MPP4: variants seen among roughly 807,000 people sequenced by gnomAD.
MPP4 encodes MAGUK p55 subfamily member 4.
A neutral mutation model predicts 98.3 loss-of-function variants in MPP4; 91 were observed. That is an observed-to-expected ratio of 0.93 (90% CI 0.78 to 1.10). The LOEUF is 1.10. Among genes scored for constraint, MPP4 ranks in the 50% least tolerant of loss-of-function variants. The pLI, the probability that MPP4 is intolerant of heterozygous loss-of-function variation, is 0.00. For synonymous variants in MPP4, 261 were observed against 271.8 expected (o/e 0.96, Z 0.39); for missense variants, 744 against 792.9 (o/e 0.94, Z 0.74).
At chr2:201,686,244 G>A (rs1688828408) in intron 5 of MPP4, among the ~76,000 whole-genome samples, 194 bp from the exon 6 acceptor site, 1 of 152,168 alleles carries the variant, frequency 6.6e-6, no homozygotes, top group African/African-American at 2.4e-5. Flanking sequence ...TACATTAATT[G>A]TCCTCAATTT....
intron 13 of MPP4, chr2:201,664,455 TG>T (rs747715961): frequency 9.0e-6 from 9 of 997,336 alleles, no homozygotes; most frequent in Non-Finnish European, 1.2e-5. Flanking sequence ...TGCTCGGCTT[TG>T]CTGCAGAGGG....
At chr2:201,684,947 CAAAAAAAAAAAAAGA>C in intron 7 of MPP4, 102 bp downstream of exon 7, 1 of 512,746 alleles carries the variant, frequency 2.0e-6, no homozygotes, top group Non-Finnish European at 2.8e-6. Flanking sequence ...GACTCCATCT[CAAAAAAAAAAAAAGA>C]AAAAAAAAAA....
intron 2 of MPP4, among the ~76,000 whole-genome samples, chr2:201,693,600 T>G (rs1404190476): frequency 1.3e-5 from 2 of 152,236 alleles, no homozygotes; most frequent in African/African-American, 4.8e-5. Context: ...GTAGTGATAT[T>G]CTGAATGTGA....
At chr2:201,666,542 G>A (rs1013581107) in intron 12 of MPP4, 170 bp from the exon 13 acceptor site, 2 of 502,088 alleles carry the variant, frequency 4.0e-6, no homozygotes, top group East Asian at 3.5e-5. Flanking sequence ...CCGACATGGT[G>A]AAACCATGTC....
At chr2:201,670,410 G>A (rs1175017234) in intron 11 of MPP4, among the ~76,000 whole-genome samples, 6 of 152,008 alleles carry the variant, frequency 3.9e-5, no homozygotes, top group South Asian at 2.1e-4. Flanking sequence ...CATGTCTACC[G>A]GAAACATTCC....
Position 201,664,068 on chromosome 2 carries a change from A to G in MPP4, c.1072+13T>C. 1 of 1,508,828 alleles carries G rather than the reference A, an allele frequency of 6.6e-7. No homozygotes were observed. Among genetic ancestry groups the G allele is most frequent in the Non-Finnish European group, 9.0e-7 (1 of 1,113,198 alleles). 93.5% of individuals were successfully genotyped at this position (1,508,828 alleles called of 1,614,324 possible). On this transcript the variant is annotated intron_variant, in intron 14 of 21. Transcript: ENST00000409474. ...ATTTAAAAATCAGTACCAAATACTC[A>G]TTTTTTACTTACCAGATTCAAATGT...
intron 16 of MPP4, among the ~76,000 whole-genome samples, chr2:201,657,586 C>CTTTTTTTTT: frequency 1.4e-5 from 1 of 73,772 alleles, no homozygotes; most frequent in Admixed American, 1.5e-4. Context: ...GAACCCTGGC[C>CTTTTTTTTT]CTTGTTTTTT....
chr2:201,698,162 CT>C, intron 1 of MPP4: 1 of 830,532 alleles, frequency 1.2e-6, no homozygotes, highest in Non-Finnish European at 1.5e-6. Flanking sequence ...TTTCCATTAG[CT>C]TTTTAAAACG....
At chr2:201,677,121 A>G (rs965480094) in intron 10 of MPP4, among the ~76,000 whole-genome samples, 2 of 152,036 alleles carry the variant, frequency 1.3e-5, no homozygotes, top group African/African-American at 2.4e-5. Context: ...CTCCATGGTT[A>G]ATTACCTGGT....
At chr2:201,698,320 T>C (rs548338356) in intron 1 of MPP4, among the ~76,000 whole-genome samples, 37 of 152,340 alleles carry the variant, frequency 2.4e-4, no homozygotes, top group African/African-American at 8.9e-4. Flanking sequence ...TGGGTCCAAA[T>C]GCTGTTGATT....
At position 201,686,049 on chromosome 2, in the gene MPP4, G is replaced by T. The variant is rs767135606; in HGVS notation, c.362C>A (p.Ala121Asp). ...TATCGTGTCATGGGCACTGAGCAAGGCCTGGGCACAGGGAAGGAAAAGGTG... is the reference window on the plus strand; with the variant it reads ...TATCGTGTCATGGGCACTGAGCAAGTCCTGGGCACAGGGAAGGAAAAGGTG... The part of the protein sequence containing the change: ...RQMLQAPHFK[A>D]LLSAHDTIAQ... Residue 121 changes from alanine to aspartate, a missense_variant and splice_region_variant, in exon 6 of 22, where the codon GCC becomes GAC. Coordinates refer to ENST00000409474, the MANE Select transcript of MPP4 (RefSeq NM_033066.3). 2.2e-5 allele frequency: 35 copies of T among 1,611,180 alleles called. No homozygotes were observed. The South Asian group carries it at 2.4e-4, about 11-fold the overall frequency.
intron 7 of MPP4, 101 bp from the exon 8 acceptor site, chr2:201,683,017 C>CTCTAAAAATGTTTAA: frequency 2.5e-6 from 2 of 797,146 alleles, no homozygotes; most frequent in South Asian, 3.3e-5. Flanking sequence ...CCCAAGCATG[C>CTCTAAAAATGTTTAA]TCTAAAAATG....
intron 2 of MPP4, among the ~76,000 whole-genome samples, chr2:201,693,418 T>C (rs1689095113): frequency 6.6e-6 from 1 of 152,214 alleles, no homozygotes; most frequent in Non-Finnish European, 1.5e-5. Context: ...CCTCTTTCTC[T>C]AACTCAAACA....
At chr2:201,681,143 C>A in intron 9 of MPP4, 109 bp from the exon 10 acceptor site, 1 of 1,080,756 alleles carries the variant, frequency 9.3e-7, no homozygotes, top group Non-Finnish European at 1.3e-6. Context: ...CACTCCTCCA[C>A]CTGCTACTCC....
At chr2:201,676,314 T>G (rs1487607407) in intron 10 of MPP4, among the ~76,000 whole-genome samples, 1 of 151,854 alleles carries the variant, frequency 6.6e-6, no homozygotes, top group East Asian at 1.9e-4. Context: ...GTGGTGGAGG[T>G]TGAACAGTTA....
rs555695346 is a variant in MPP4 at position 201,682,920 on chromosome 2, G to C, written c.575-4C>G. On this transcript the variant is annotated splice_polypyrimidine_tract_variant and splice_region_variant and intron_variant, in intron 7 of 21. Coordinates refer to ENST00000409474, the MANE Select transcript of MPP4 (RefSeq NM_033066.3). ...TTGTCTCCAGCATATAGCAACCCTA[G>C]GCAGACAGTAACAAAAAACAAAGAA... is the stretch of plus-strand genomic sequence containing the variant. The C allele has an allele frequency of 2.5e-5, 41 of 1,612,388 alleles. No homozygotes were observed. The South Asian group carries it at 4.3e-4, about 17-fold the overall frequency.
intron 5 of MPP4, among the ~76,000 whole-genome samples, chr2:201,686,339 T>C (rs1224895098): frequency 2.0e-5 from 3 of 152,202 alleles, no homozygotes; most frequent in African/African-American, 7.2e-5. Context: ...TGCCACGACA[T>C]TCTTATTTCC....
chr2:201,680,945 G>A lies in MPP4; in HGVS notation c.822C>T (p.Asp274=), dbSNP rs775213233. 130 of 1,613,808 alleles carry A rather than the reference G, an allele frequency of 8.1e-5. No individual in the cohort carries two copies. Among genetic ancestry groups the A allele is most frequent in the Non-Finnish European group, 1.0e-4 (123 of 1,179,880 alleles). ...CATTCTGGTCCACAATCTGGAGGAT[G>A]TCCCCCTTCTGGAAAGGCAATCCAG... ...MDAGLPFQKG[D]ILQIVDQNDA... is the part of the protein sequence containing the mutation. Residue 274 remains aspartate, a synonymous_variant, in exon 10 of 22, where the codon GAC becomes GAT. Coordinates refer to ENST00000409474, the MANE Select transcript of MPP4 (RefSeq NM_033066.3).
In MPP4 at chr2:201,685,112, C is replaced by T. The variant is rs767695884; in HGVS notation, c.526G>A (p.Asp176Asn). ...TGGATGATCCTGGCCACCAAGATGT[C>T]CCCTGTCATCTCGTGGCGCTTGATG... ...ATIKRHEMTG[D>N]ILVARIIHGG... Residue 176 changes from aspartate (D) to asparagine (N), a missense_variant, in exon 7 of 22, where the codon GAC (aspartate) becomes AAC (asparagine). Asp to Asn is a conservative substitution (Grantham distance 23, BLOSUM62 1). Transcript: ENST00000409474. The T allele has an allele frequency of 5.6e-6, 9 of 1,612,190 alleles. No homozygotes were observed. The highest frequency in any genetic ancestry group is 6.8e-6 in the Non-Finnish European group (8 of 1,179,348).
Sources: allele counts gnomAD v4.1 joint callset (sites outside exome capture counted in the v4.1 genomes callset), GRCh38; gene constraint gnomAD v4.1.1; transcripts MANE v1.5; gene names NCBI Gene and HGNC (gene_info 2026-07-23, HGNC 2026-07-21).